Variants in ENPP1 observed in about 807,000 individuals in gnomAD.
ENPP1 encodes the protein ectonucleotide pyrophosphatase/phosphodiesterase family member 1.
ENPP1 carries 73 observed loss-of-function variants against 122.8 expected under a neutral mutation model. That is an observed-to-expected ratio of 0.59 (90% CI 0.49 to 0.72). The LOEUF is 0.72. ENPP1 is among the 30% of genes least tolerant of loss of function. The pLI is 0.00. For missense variants in ENPP1, 978 were observed against 1,128.1 expected, an observed-to-expected ratio of 0.87 and a Z score of 1.91; for synonymous variants, 367 against 391.6, an observed-to-expected ratio of 0.94 and a Z score of 0.74.
chr6:131,843,556 C>T (rs1005561883), intron 1 of ENPP1, among the ~76,000 whole-genome samples: 10 of 152,126 alleles, frequency 6.6e-5, no homozygotes, highest in African/African-American at 2.4e-4. Flanking sequence ...ATACTCATAT[C>T]CAATTTGTCC....
At chr6:131,886,419 GGTATT>G (rs1464534770) in intron 23 of ENPP1, 138 bp from the exon 24 acceptor site, 1 of 647,244 alleles carries the variant, frequency 1.5e-6, no homozygotes, top group African/African-American at 1.8e-5. Context: ...AGTATGTTGA[GGTATT>G]GTGATTACTA....
chr6:131,837,557 C>CCAAA (rs1183586902), intron 1 of ENPP1, among the ~76,000 whole-genome samples: 54 of 149,018 alleles, frequency 3.6e-4, no homozygotes, highest in African/African-American at 1.3e-3. Flanking sequence ...AACCAGCCAA[C>CCAAA]CAAACAAACA....
chr6:131,869,356 A>T lies in ENPP1; in HGVS notation c.1274-2A>T. 1 of 1,612,896 alleles carries T rather than the reference A, an allele frequency of 6.2e-7. No homozygotes were observed. The highest frequency in any genetic ancestry group is 8.5e-7 in the Non-Finnish European group (1 of 1,179,322). ...TGTTTTGGGATTTTTTTTTTCTCCT[A>T]GGCATGGAACAAGGCAGTTGTAAGA... On this transcript the variant is annotated splice_acceptor_variant, in intron 12 of 24. Coordinates refer to ENST00000647893, the MANE Select transcript of ENPP1 (RefSeq NM_006208.3). LOFTEE classifies it high-confidence loss of function.
intron 13 of ENPP1, among the ~76,000 whole-genome samples, chr6:131,871,621 C>A (rs1407746049): frequency 1.3e-5 from 2 of 152,120 alleles, no homozygotes; most frequent in African/African-American, 4.8e-5. Context: ...TCCTAGGGAA[C>A]AAGATGTACA....
At chr6:131,866,007 A>AAAAGAG (rs1554203831) in intron 11 of ENPP1, among the ~76,000 whole-genome samples, 5,844 of 150,424 alleles carry the variant, frequency 0.039, 449 homozygotes, top group African/African-American at 0.14. Flanking sequence ...AAAAAAAAAA[A>AAAAGAG]AGAGAAAAAG....
intron 3 of ENPP1, among the ~76,000 whole-genome samples, chr6:131,850,629 C>T (rs1293135767): frequency 6.6e-6 from 1 of 152,166 alleles, no homozygotes; most frequent in Non-Finnish European, 1.5e-5. Context: ...AGAGCCGTTG[C>T]TCGACCATGG....
intron 16 of ENPP1, among the ~76,000 whole-genome samples, chr6:131,875,182 A>G (rs906977898): frequency 6.6e-6 from 1 of 152,228 alleles, no homozygotes. Context: ...TCCATGTAAC[A>G]TAACTGTACT....
chr6:131,869,636 C>T (rs1585830852), intron 13 of ENPP1, 147 bp downstream of exon 13: 1 of 710,442 alleles, frequency 1.4e-6, no homozygotes, highest in East Asian at 2.8e-5. Flanking sequence ...CGAGACCAGC[C>T]TGGCCAACAT....
chr6:131,826,758 A>G, intron 1 of ENPP1: 1 of 474,336 alleles, frequency 2.1e-6, no homozygotes, highest in Admixed American at 3.2e-5. Context: ...GCTACTCTGC[A>G]AGTAGAGGGT....
intron 1 of ENPP1, among the ~76,000 whole-genome samples, chr6:131,845,583 G>A (rs777340248): frequency 4.6e-5 from 7 of 150,822 alleles, no homozygotes; most frequent in South Asian, 2.1e-4. Flanking sequence ...AAGCGCCCCC[G>A]AGCAGCAGGG....
In ENPP1 at chr6:131,883,764, G is replaced by T. The variant is rs775961188; in HGVS notation, c.2301G>T (p.Gln767His). 6.8e-7 allele frequency: 1 copy of T among 1,481,172 alleles called. No homozygotes were observed. The highest frequency in any genetic ancestry group is 9.4e-7 in the Non-Finnish European group (1 of 1,059,610). 91.8% of individuals were successfully genotyped at this position (1,481,172 alleles called of 1,614,324 possible). A position where few individuals can be genotyped will look rare whatever the true frequency, so the allele number is the denominator to read the frequency against. The change falls in exon 22 of 25, where the codon CAG (glutamine) becomes CAT (histidine). Residue 767 changes from glutamine (Q) to histidine (H), a missense_variant. This residue lies in a region of ENPP1 where 644 missense variants were observed against 781.5 expected (regional missense o/e 0.82). Coordinates refer to ENST00000647893, the MANE Select transcript of ENPP1 (RefSeq NM_006208.3). Reference sequence around the variant, plus strand: ...CTACAAATATAGTGCCAATGTACCAGAGTTTTCAAGGTAAATAATGTTAAC... The same window carrying T: ...CTACAAATATAGTGCCAATGTACCATAGTTTTCAAGGTAAATAATGTTAAC... ...LLTTNIVPMY[Q>H]SFQVIWRYFH...
At chr6:131,842,442 T>C (rs1781753201) in intron 1 of ENPP1, among the ~76,000 whole-genome samples, 1 of 152,208 alleles carries the variant, frequency 6.6e-6, no homozygotes, top group Admixed American at 6.5e-5. Flanking sequence ...TTGTTGCCTT[T>C]ATTAGATTTA....
intron 1 of ENPP1, among the ~76,000 whole-genome samples, chr6:131,818,118 G>T (rs557145568): frequency 5.7e-4 from 87 of 152,186 alleles, no homozygotes; most frequent in African/African-American, 2.0e-3. Context: ...GGATCTTGAT[G>T]CTCTCTTATG....
In ENPP1 at chr6:131,833,351, T is replaced by A. The variant is rs1401044037; in HGVS notation, c.241-14425T>A. ...TTTATTAGCTATTTTCTTTAAATAGTTGGTTTATTACTTTTGGTATTTTTA... is the reference window on the plus strand; with the variant it reads ...TTTATTAGCTATTTTCTTTAAATAGATGGTTTATTACTTTTGGTATTTTTA... On this transcript the variant is annotated intron_variant, in intron 1 of 24. Transcript: ENST00000647893. Among the ~76,000 whole-genome samples the A allele has an allele frequency of 3.3e-5, 5 of 152,318 alleles. No individual in the cohort carries two copies. In the East Asian group the frequency reaches 9.6e-4, roughly 29 times the overall value.
At chr6:131,844,432 A>G (rs574605332) in intron 1 of ENPP1, among the ~76,000 whole-genome samples, 2 of 152,352 alleles carry the variant, frequency 1.3e-5, no homozygotes, top group African/African-American at 4.8e-5. Flanking sequence ...TTCTTTCAAA[A>G]TCTGCCAGTG....
chr6:131,851,589 G>A (rs1278484150), intron 4 of ENPP1, among the ~76,000 whole-genome samples: 1 of 152,078 alleles, frequency 6.6e-6, no homozygotes, highest in African/African-American at 2.4e-5. Flanking sequence ...ACTTGATGTT[G>A]TATTTGTGGA....
At chr6:131,854,192 C>G (rs960003133) in intron 5 of ENPP1, among the ~76,000 whole-genome samples, 2 of 151,910 alleles carry the variant, frequency 1.3e-5, no homozygotes, top group African/African-American at 2.4e-5. Flanking sequence ...ATTGCTTGAG[C>G]CTAGGAGTTC....
chr6:131,816,745 G>C (rs1037039345), intron 1 of ENPP1, among the ~76,000 whole-genome samples: 3 of 152,136 alleles, frequency 2.0e-5, no homozygotes, highest in African/African-American at 7.2e-5. Context: ...AGAAGTGTAG[G>C]TGGTAGAAGT....
intron 1 of ENPP1, among the ~76,000 whole-genome samples, chr6:131,820,960 G>A (rs1322366413): frequency 1.3e-5 from 2 of 152,176 alleles, no homozygotes; most frequent in East Asian, 3.8e-4. Context: ...TATATAATGT[G>A]TACAAAATGG....
Sources: gnomAD v4.1 joint callset for allele counts (sites outside exome capture counted in the v4.1 genomes callset) on GRCh38, gnomAD v4.1.1 for gene constraint, gnomAD v4.1.1 regional missense constraint, MANE v1.5 for transcripts, NCBI Gene and HGNC (gene_info 2026-07-23, HGNC 2026-07-21) for gene names.